Variants in PBX1 observed in about 807,000 individuals in gnomAD.
The protein encoded by PBX1 is PBX homeobox 1, also known as pre-B-cell leukemia transcription factor 1.
PBX1 carries 6 observed loss-of-function variants against 53.4 expected under a neutral mutation model. That is an observed-to-expected ratio of 0.11 (90% confidence interval 0.06 to 0.22). PBX1 has a LOEUF of 0.22. PBX1 is among the 10% of genes least tolerant of loss of function. The pLI is 1.00. For synonymous variants in PBX1, 204 were observed against 212.3 expected (o/e 0.96, Z 0.34); for missense variants, 251 against 551.4 (o/e 0.46, Z 5.46).
chr1:164,883,804 A>G (rs1391670640), intron 2 of PBX1, among the ~76,000 whole-genome samples: 1 of 152,194 alleles, frequency 6.6e-6, no homozygotes, highest in Non-Finnish European at 1.5e-5. Flanking sequence ...AATTAATCTT[A>G]GATGCACTAT....
Position 164,848,350 on chromosome 1 carries a change from T to C in PBX1, c.*1674T>C. The C allele has an allele frequency of 4.7e-6, 5 of 1,057,514 alleles. No individual in the cohort carries two copies. Among genetic ancestry groups the C allele is most frequent in the Non-Finnish European group, 4.6e-6 (4 of 874,428 alleles). The allele number at this position is 1,057,514 out of a possible 1,614,324, so 65.5% of individuals were successfully genotyped here. The stretch of plus-strand genomic sequence containing the variant: ...GGTCAAATATTTTGGTGCCTCATTT[T>C]CTTCATCTGTGAGATGGGAACTGTT... On this transcript the variant is annotated 3_prime_UTR_variant, in exon 9 of 9. Transcript: ENST00000420696.
At chr1:164,717,196 C>T (rs1357992690) in intron 2 of PBX1, among the ~76,000 whole-genome samples, 3 of 152,122 alleles carry the variant, frequency 2.0e-5, no homozygotes, top group Non-Finnish European at 2.9e-5. Flanking sequence ...CTGAGGGTGA[C>T]TAATATGTTC....
chr1:164,666,808 C>T (rs1205145396), intron 2 of PBX1, among the ~76,000 whole-genome samples: 2 of 152,172 alleles, frequency 1.3e-5, no homozygotes, highest in Non-Finnish European at 2.9e-5. Flanking sequence ...TAATAATTTA[C>T]TACTTGCTAC....
chr1:164,762,424 G>T (rs1487108680), intron 2 of PBX1, among the ~76,000 whole-genome samples: 1 of 152,176 alleles, frequency 6.6e-6, no homozygotes, highest in African/African-American at 2.4e-5. Context: ...TACCCTTAGA[G>T]ATAACAGTGA....
chr1:164,882,352 A>G (rs1258839110), intron 2 of PBX1, among the ~76,000 whole-genome samples: 1 of 152,174 alleles, frequency 6.6e-6, no homozygotes, highest in Non-Finnish European at 1.5e-5. Context: ...CCTCATTTTC[A>G]TGGCTTCATT....
At chr1:164,609,488 G>A (rs545667746) in intron 2 of PBX1, among the ~76,000 whole-genome samples, 7 of 152,132 alleles carry the variant, frequency 4.6e-5, no homozygotes, top group Admixed American at 2.6e-4. Flanking sequence ...TTTTCCTGTC[G>A]CCACACCCTT....
intron 2 of PBX1, chr1:164,774,427 A>G (rs1667548068): frequency 6.6e-6 from 1 of 152,132 alleles, no homozygotes; most frequent in Non-Finnish European, 1.5e-5. Flanking sequence ...AAAATTGTCT[A>G]CCTATTTCTG....
chr1:164,790,124 CT>C (rs770374191), intron 2 of PBX1, among the ~76,000 whole-genome samples: 7 of 152,148 alleles, frequency 4.6e-5, no homozygotes, highest in Non-Finnish European at 1.0e-4. Context: ...TTTTCGGTGC[CT>C]TTAGGGCCTG....
chr1:164,696,974 C>G (rs866557526), intron 2 of PBX1, among the ~76,000 whole-genome samples: 1 of 152,118 alleles, frequency 6.6e-6, no homozygotes, highest in Non-Finnish European at 1.5e-5. Context: ...TATCCTTTGT[C>G]TATTTTGTGA....
chr1:164,672,460 T>G (rs181984192), intron 2 of PBX1, among the ~76,000 whole-genome samples: 2 of 152,338 alleles, frequency 1.3e-5, no homozygotes, highest in Non-Finnish European at 2.9e-5. Flanking sequence ...GTGACTGTTA[T>G]GCTGATAAAG....
At chr1:164,642,067 A>G (rs568718712) in intron 2 of PBX1, 1 of 152,134 alleles carries the variant, frequency 6.6e-6, no homozygotes, top group East Asian at 1.9e-4. Flanking sequence ...GAATTATGTG[A>G]ATGTCCAGGT....
At chr1:164,704,011 A>C (rs1663281618) in intron 2 of PBX1, among the ~76,000 whole-genome samples, 1 of 152,204 alleles carries the variant, frequency 6.6e-6, no homozygotes, top group East Asian at 1.9e-4. Context: ...CTCTTGGAAA[A>C]GCAGCTCACA....
At chr1:164,798,131 T>C (rs1166435136) in intron 3 of PBX1, among the ~76,000 whole-genome samples, 6 of 152,206 alleles carry the variant, frequency 3.9e-5, no homozygotes, top group Non-Finnish European at 8.8e-5. Flanking sequence ...AGGCCTCCCA[T>C]TCACCAGTGT....
rs1028486795 is a variant in PBX1 at position 164,698,122 on chromosome 1, C to T, written c.266-94372C>T. Among the ~76,000 whole-genome samples the T allele has an allele frequency of 4.6e-5, 7 of 151,990 alleles. No homozygotes were observed. In the South Asian group the frequency reaches 1.2e-3, roughly 27 times the overall value. ...AAAGTGCCTGTATCTCCCAGGGCAC[C>T]GATTGTTAAGAGGGTTGGGACCTCA... On this transcript the variant is annotated intron_variant, in intron 2 of 8. Coordinates refer to ENST00000420696, the MANE Select transcript of PBX1 (RefSeq NM_002585.4).
At chr1:164,603,363 T>A (rs1203992896) in intron 2 of PBX1, among the ~76,000 whole-genome samples, 1 of 152,224 alleles carries the variant, frequency 6.6e-6, no homozygotes, top group Non-Finnish European at 1.5e-5. Flanking sequence ...CTGTCCCATG[T>A]ATTAAAAATT....
At chr1:164,715,743 G>A (rs1457992933) in intron 2 of PBX1, among the ~76,000 whole-genome samples, 2 of 152,144 alleles carry the variant, frequency 1.3e-5, no homozygotes, top group Non-Finnish European at 1.5e-5. Context: ...AGGATTTTGT[G>A]AATTATTTGA....
rs1295536997 is a variant in PBX1 at position 164,559,407 on chromosome 1, A to C, written c.-416A>C. The C allele has an allele frequency of 4.3e-6, 1 of 234,272 alleles. No homozygotes were observed. Among genetic ancestry groups the C allele is most frequent in the African/African-American group, 2.2e-5 (1 of 45,268 alleles). The allele number at this position is 234,272 out of a possible 1,614,324, so 14.5% of individuals were successfully genotyped here. A position where few individuals can be genotyped will look rare whatever the true frequency, so the allele number is the denominator to read the frequency against. On this transcript the variant is annotated 5_prime_UTR_variant, in exon 1 of 9. Coordinates refer to ENST00000420696, the MANE Select transcript of PBX1 (RefSeq NM_002585.4). ...TGCCTTCCTCTCCTTTCTCCCGATC[A>C]ATGCATATTTGCAAAAGGATTAAGC...
At chr1:164,631,708 C>G (rs1177768458) in intron 2 of PBX1, among the ~76,000 whole-genome samples, 1 of 152,146 alleles carries the variant, frequency 6.6e-6, no homozygotes, top group Non-Finnish European at 1.5e-5. Context: ...TCCAGATACA[C>G]TTTAAACAAA....
At chr1:164,623,846 A>G (rs1019757949) in intron 2 of PBX1, among the ~76,000 whole-genome samples, 2 of 152,212 alleles carry the variant, frequency 1.3e-5, no homozygotes, top group Non-Finnish European at 2.9e-5. Flanking sequence ...TTAGAAGCCT[A>G]ATTAGTGGAA....
Sources: allele counts gnomAD v4.1 joint callset (sites outside exome capture counted in the v4.1 genomes callset), GRCh38; gene constraint gnomAD v4.1.1; transcripts MANE v1.5; gene names NCBI Gene and HGNC (gene_info 2026-07-23, HGNC 2026-07-21).